CSMD1: variants seen among roughly 807,000 people sequenced by gnomAD.
CSMD1 encodes CUB and sushi domain-containing protein 1.
In CSMD1, 213 loss-of-function variants were observed where a neutral mutation model predicts 417.5. The observed-to-expected ratio is 0.51, with a 90% CI of 0.46 to 0.57. CSMD1 has a LOEUF of 0.57. Among genes scored for constraint, CSMD1 ranks in the 20% least tolerant of loss-of-function variants. CSMD1 has a pLI of 0.00. For missense variants in CSMD1, 6,923 were observed against 4,529.7 expected, an observed-to-expected ratio of 1.53 and a Z score of -15.17; for synonymous variants, 2,862 against 1,736.8, an observed-to-expected ratio of 1.65 and a Z score of -16.11.
chr8:4,843,508 C>G (rs1042688902), intron 1 of CSMD1, among the ~76,000 whole-genome samples: 1 of 152,134 alleles, frequency 6.6e-6, no homozygotes, highest in African/African-American at 2.4e-5. Flanking sequence ...ACTAATCGAT[C>G]TAACTCCCCT....
At chr8:4,316,306 C>A (rs1046270891) in intron 3 of CSMD1, among the ~76,000 whole-genome samples, 6 of 152,078 alleles carry the variant, frequency 3.9e-5, no homozygotes, top group Non-Finnish European at 8.8e-5. Flanking sequence ...AGGAATGCTG[C>A]AGAGAAAATA....
intron 3 of CSMD1, among the ~76,000 whole-genome samples, chr8:4,195,443 C>A (rs758843999): frequency 1.1e-4 from 16 of 152,090 alleles, no homozygotes; most frequent in African/African-American, 3.9e-4. Context: ...TTAAAAAAGA[C>A]GAGTGTGGCA....
At chr8:3,030,875 C>T (rs917707423) in intron 50 of CSMD1, among the ~76,000 whole-genome samples, 17 of 151,906 alleles carry the variant, frequency 1.1e-4, no homozygotes, top group Non-Finnish European at 2.2e-4. Context: ...TCAGTAATTT[C>T]CAAGTACTAT....
intron 10 of CSMD1, among the ~76,000 whole-genome samples, chr8:3,554,024 A>T (rs10087794): frequency 0.55 from 84,016 of 152,018 alleles, 23,414 homozygotes; most frequent in East Asian, 0.67. Flanking sequence ...TTCAAAAAAA[A>T]TAAGTAAACA....
intron 3 of CSMD1, among the ~76,000 whole-genome samples, chr8:4,274,372 C>A (rs561300811): frequency 2.0e-5 from 3 of 152,200 alleles, no homozygotes; most frequent in South Asian, 4.2e-4. Flanking sequence ...ACTATGAGCA[C>A]AAAATTAAGA....
intron 26 of CSMD1, among the ~76,000 whole-genome samples, chr8:3,283,439 G>GTT (rs891526005): frequency 4.6e-5 from 7 of 151,274 alleles, no homozygotes; most frequent in African/African-American, 1.7e-4. Context: ...AAAGTCGTAC[G>GTT]TTTTTTTTTT....
chr8:4,330,343 C>T lies in CSMD1; in HGVS notation c.415+89610G>A, dbSNP rs992934173. On this transcript the variant is annotated intron_variant, in intron 3 of 69. Transcript: ENST00000635120. ...GGCGTGCTGGCTCACACCTGTAATC[C>T]CAGTGCTTTAGGAGGACTAGTCAGG... Among the ~76,000 whole-genome samples the T allele has an allele frequency of 2.0e-5, 3 of 151,368 alleles. No individual in the cohort carries two copies. The Admixed American group carries it at 2.0e-4, about 10-fold the overall frequency.
chr8:3,185,047 G>A lies in CSMD1; in HGVS notation c.5620+2822C>T, dbSNP rs562982603. On this transcript the variant is annotated intron_variant, in intron 36 of 69. Coordinates refer to ENST00000635120, the MANE Select transcript of CSMD1 (RefSeq NM_033225.6). ...TAAGTCCATTGCTTTCTCAAGTTCC[G>A]TGAGGTACTCTAGGGAACTATCAAG... 2.8e-4 allele frequency among the ~76,000 whole-genome samples: 42 copies of A among 152,212 alleles called. No individual in the cohort carries two copies. The Middle Eastern group carries it at 0.017, about 62-fold the overall frequency.
At chr8:3,480,341 G>T (rs1046857563) in intron 11 of CSMD1, among the ~76,000 whole-genome samples, 1 of 152,106 alleles carries the variant, frequency 6.6e-6, no homozygotes, top group Non-Finnish European at 1.5e-5. Flanking sequence ...CAGCCCCCTG[G>T]AGCAATGGAG....
At chr8:4,254,170 G>C (rs1022002693) in intron 3 of CSMD1, among the ~76,000 whole-genome samples, 9 of 151,964 alleles carry the variant, frequency 5.9e-5, no homozygotes, top group Non-Finnish European at 1.3e-4. Flanking sequence ...ACCCGCCTTG[G>C]CCTCCCAAAG....
chr8:4,408,532 A>C (rs1796467887), intron 3 of CSMD1, among the ~76,000 whole-genome samples: 1 of 152,350 alleles, frequency 6.6e-6, no homozygotes, highest in Non-Finnish European at 1.5e-5. Flanking sequence ...TTGGACATAA[A>C]GATTTTCCTA....
intron 3 of CSMD1, among the ~76,000 whole-genome samples, chr8:4,249,949 T>C (rs1802953502): frequency 6.6e-6 from 1 of 152,006 alleles, no homozygotes; most frequent in African/African-American, 2.4e-5. Flanking sequence ...GCTTTGCACT[T>C]ATGAATGAAT....
At chr8:3,753,464 CTTTT>C (rs1797469799) in intron 6 of CSMD1, among the ~76,000 whole-genome samples, 1 of 152,162 alleles carries the variant, frequency 6.6e-6, no homozygotes, top group African/African-American at 2.4e-5. Context: ...CAGAATCTTT[CTTTT>C]AAGATTCATT....
At chr8:4,252,630 C>G (rs1000232674) in intron 3 of CSMD1, among the ~76,000 whole-genome samples, 1 of 152,186 alleles carries the variant, frequency 6.6e-6, no homozygotes, top group Admixed American at 6.5e-5. Context: ...AATATAGTCT[C>G]CAGAAGTAAC....
At chr8:3,426,760 T>C (rs555669668) in intron 12 of CSMD1, among the ~76,000 whole-genome samples, 28 of 152,318 alleles carry the variant, frequency 1.8e-4, no homozygotes, top group African/African-American at 6.7e-4. Flanking sequence ...CATAAACTAA[T>C]TGGTGCTAAG....
chr8:4,970,387 G>A (rs180713541), intron 1 of CSMD1, among the ~76,000 whole-genome samples: 27 of 152,186 alleles, frequency 1.8e-4, no homozygotes, highest in African/African-American at 6.3e-4. Context: ...TTATGCTAAT[G>A]TTATCATTAT....
rs187063073 is a variant in CSMD1, at chr8:3,268,978, C to T, written c.4153+15166G>A. Among the ~76,000 whole-genome samples, 238 of 152,300 alleles carry T rather than the reference C, an allele frequency of 1.6e-3. 1 individual carries two copies. The highest frequency in any genetic ancestry group is 0.01 in the Middle Eastern group (3 of 294). Reference sequence around the variant, plus strand: ...TATTGAGTAATAAGTATTAAACCTCCATCCTCAAGAATAGGAGAAGTGCCA... The same window carrying T: ...TATTGAGTAATAAGTATTAAACCTCTATCCTCAAGAATAGGAGAAGTGCCA... On this transcript the variant is annotated intron_variant, in intron 26 of 69. Transcript: ENST00000635120.
chr8:4,298,818 G>T (rs1440124238), intron 3 of CSMD1, among the ~76,000 whole-genome samples: 1 of 151,766 alleles, frequency 6.6e-6, no homozygotes, highest in African/African-American at 2.4e-5. Flanking sequence ...ATGTACCCTA[G>T]AACTTAAAGT....
chr8:3,916,147 C>T (rs1291389379), intron 5 of CSMD1, among the ~76,000 whole-genome samples: 4 of 151,878 alleles, frequency 2.6e-5, no homozygotes, highest in African/African-American at 7.3e-5. Flanking sequence ...AAAAAAAATG[C>T]TAAATGCTCT....
Sources: allele counts gnomAD v4.1 joint callset (sites outside exome capture counted in the v4.1 genomes callset), GRCh38; gene constraint gnomAD v4.1.1; transcripts MANE v1.5; gene names NCBI Gene and HGNC (gene_info 2026-07-23, HGNC 2026-07-21).